The following CNTN1 variants were observed in gnomAD, a reference collection of about 807,000 sequenced individuals.
CNTN1 encodes contactin 1.
Under a neutral mutation model 126.4 loss-of-function variants are expected in CNTN1, and 38 were observed. The ratio of observed to expected loss-of-function variants is 0.30; its 90% CI spans 0.23 to 0.39. CNTN1 has a LOEUF of 0.39. Ranked by LOEUF, CNTN1 falls within the 10% of genes least tolerant of loss-of-function variation. CNTN1 has a pLI of 1.00. For missense variants in CNTN1, 1,009 were observed against 1,248.4 expected (o/e 0.81, Z 2.89); for synonymous variants, 413 against 422.6 (o/e 0.98, Z 0.28).
At chr12:41,058,936 C>A (rs1949883873) in intron 23 of CNTN1, among the ~76,000 whole-genome samples, 1 of 152,100 alleles carries the variant, frequency 6.6e-6, no homozygotes, top group Middle Eastern at 3.2e-3. Context: ...TGTTATGATC[C>A]TCTTAATAGT....
intron 1 of CNTN1, among the ~76,000 whole-genome samples, chr12:40,855,382 G>A (rs1036655963): frequency 1.7e-4 from 26 of 151,690 alleles, no homozygotes; most frequent in Non-Finnish European, 1.0e-4. Context: ...TTCAATGCTC[G>A]TCATTATCTA....
intron 16 of CNTN1, among the ~76,000 whole-genome samples, chr12:40,989,937 C>T (rs1285350230): frequency 6.6e-6 from 1 of 151,822 alleles, no homozygotes; most frequent in Non-Finnish European, 1.5e-5. Context: ...GGAAAATAGA[C>T]AGAAAGTGTT....
chr12:40,707,036 GCGCGCT>G (rs1591993322), intron 1 of CNTN1, among the ~76,000 whole-genome samples: 5 of 109,740 alleles, frequency 4.6e-5, no homozygotes, highest in South Asian at 2.8e-4. Flanking sequence ...ACGTGCGCGC[GCGCGCT>G]TGCGCACACA....
At chr12:40,810,797 G>C (rs1941031984) in intron 1 of CNTN1, among the ~76,000 whole-genome samples, 1 of 152,084 alleles carries the variant, frequency 6.6e-6, no homozygotes, top group Non-Finnish European at 1.5e-5. Context: ...CTGCAGGATT[G>C]CTTGAGGGCA....
At position 40,926,016 on chromosome 12, in the gene CNTN1, A is replaced by G. The variant is rs1380693893; in HGVS notation, c.496+1364A>G. 2.6e-5 allele frequency among the ~76,000 whole-genome samples: 4 copies of G among 151,628 alleles called. No homozygotes were observed. The Admixed American group carries it at 2.6e-4, about 10-fold the overall frequency. ...TTGACTCAGAAAATCTCTTATGAGT[A>G]TTTGTTATACAGCAGGCACAATGTA... is the stretch of plus-strand genomic sequence containing the variant. On this transcript the variant is annotated intron_variant, in intron 6 of 23. Coordinates refer to ENST00000551295, the MANE Select transcript of CNTN1 (RefSeq NM_001843.4).
chr12:41,002,229 GTA>G (rs1368111931), intron 17 of CNTN1, among the ~76,000 whole-genome samples: 1 of 152,140 alleles, frequency 6.6e-6, no homozygotes, highest in Non-Finnish European at 1.5e-5. Context: ...GCTTTGGGCA[GTA>G]TGGCCATTTT....
intron 1 of CNTN1, among the ~76,000 whole-genome samples, chr12:40,713,920 G>A (rs191469399): frequency 4.6e-5 from 7 of 152,042 alleles, no homozygotes; most frequent in Middle Eastern, 3.4e-3. Flanking sequence ...ATGAAATTAC[G>A]CTCTTCTCTA....
In CNTN1 at chr12:40,957,993, A is replaced by T. The variant is rs60493542; in HGVS notation, c.1684-1121A>T. On this transcript the variant is annotated intron_variant, in intron 14 of 23. Coordinates refer to ENST00000551295, the MANE Select transcript of CNTN1 (RefSeq NM_001843.4). ...CAAAACGTTCACTCCATGTACAGTCATGATACATCATAGGTATCTAGATAT... is the reference window on the plus strand; with the variant it reads ...CAAAACGTTCACTCCATGTACAGTCTTGATACATCATAGGTATCTAGATAT... Among the ~76,000 whole-genome samples the T allele has an allele frequency of 3.2e-3, 492 of 152,236 alleles. 1 individual carries two copies. The highest frequency in any genetic ancestry group is 0.012 in the African/African-American group (481 of 41,578).
intron 1 of CNTN1, among the ~76,000 whole-genome samples, chr12:40,856,872 A>C (rs1942930451): frequency 6.6e-6 from 1 of 152,108 alleles, no homozygotes; most frequent in Non-Finnish European, 1.5e-5. Context: ...CAAAGCAAAG[A>C]AAGCTGCCAT....
intron 1 of CNTN1, among the ~76,000 whole-genome samples, chr12:40,778,024 T>C (rs1939654999): frequency 6.6e-6 from 1 of 151,882 alleles, no homozygotes; most frequent in Non-Finnish European, 1.5e-5. Flanking sequence ...CTGTTGGTTT[T>C]AACATTTCAC....
At chr12:40,961,727 ACT>A (rs1436758343) in intron 15 of CNTN1, among the ~76,000 whole-genome samples, 5 of 152,016 alleles carry the variant, frequency 3.3e-5, no homozygotes, top group African/African-American at 1.2e-4. Context: ...CTAGATCAAG[ACT>A]CTCTAATAAA....
intron 1 of CNTN1, among the ~76,000 whole-genome samples, chr12:40,699,621 T>C (rs546088999): frequency 6.6e-6 from 1 of 152,356 alleles, no homozygotes; most frequent in East Asian, 1.9e-4. Context: ...ATTTCACTTT[T>C]CTTTATTTAA....
intron 1 of CNTN1, among the ~76,000 whole-genome samples, chr12:40,827,062 C>T (rs1941636409): frequency 6.6e-6 from 1 of 152,178 alleles, no homozygotes; most frequent in Non-Finnish European, 1.5e-5. Flanking sequence ...TGCTGGTTTA[C>T]ATGAATCTCC....
intron 1 of CNTN1, among the ~76,000 whole-genome samples, chr12:40,728,274 C>G (rs1028689641): frequency 2.0e-5 from 3 of 152,146 alleles, no homozygotes; most frequent in Non-Finnish European, 4.4e-5. Context: ...CCAGGACATT[C>G]TTAAGTATCT....
chr12:40,997,431 CAT>C (rs1178727015), intron 17 of CNTN1, among the ~76,000 whole-genome samples: 1 of 151,938 alleles, frequency 6.6e-6, no homozygotes, highest in Non-Finnish European at 1.5e-5. Context: ...GTTGTTCTTT[CAT>C]TTAGTATTCT....
Position 40,886,517 on chromosome 12 carries a change from T to A in CNTN1, c.-76-21840T>A, listed in dbSNP as rs1462777689. ...AAAAATTTTCTCCCATCTTGTAGGT[T>A]GCCTGTTCACTCTGATGGTAGTTTC... is the stretch of plus-strand genomic sequence containing the variant. On this transcript the variant is annotated intron_variant, in intron 1 of 23. Coordinates refer to ENST00000551295, the MANE Select transcript of CNTN1 (RefSeq NM_001843.4). Among the ~76,000 whole-genome samples, 6 of 152,216 alleles carry A rather than the reference T, an allele frequency of 3.9e-5. No homozygotes were observed. In the East Asian group the frequency reaches 1.2e-3, roughly 29 times the overall value.
chr12:40,767,615 TG>T lies in CNTN1; in HGVS notation c.-77+75024del, dbSNP rs1555154142. On this transcript the variant is annotated intron_variant, in intron 1 of 23. Coordinates refer to ENST00000551295, the MANE Select transcript of CNTN1 (RefSeq NM_001843.4). ...GAGCCACGGCTCCTGGCCCTTTTTT[TG>T]TTTGTTTGTTTGTTTGTTTGTTTGT... Among the ~76,000 whole-genome samples, 42 of 23,998 alleles carry T rather than the reference TG, an allele frequency of 1.8e-3. 1 individual carries two copies. The highest frequency in any genetic ancestry group is 4.8e-3 in the African/African-American group (29 of 6,092). The allele number at this position is 23,998 out of a possible 152,430, so 15.7% of individuals were successfully genotyped here. A position where few individuals can be genotyped will look rare whatever the true frequency, so the allele number is the denominator to read the frequency against.
At position 41,061,743 on chromosome 12, in the gene CNTN1, A is replaced by G. The variant is rs140749371; in HGVS notation, c.2981-8216A>G. ...TAGGAACCTTAAAACTTATAACATTAAACCCTATCATTTTACAGAAGGAAA... is the reference window on the plus strand; with the variant it reads ...TAGGAACCTTAAAACTTATAACATTGAACCCTATCATTTTACAGAAGGAAA... On this transcript the variant is annotated intron_variant, in intron 23 of 23. Coordinates refer to ENST00000551295, the MANE Select transcript of CNTN1 (RefSeq NM_001843.4). The G allele has an allele frequency of 1.7e-3, 770 of 455,322 alleles. 10 individuals are homozygous for G. The highest frequency in any genetic ancestry group is 0.014 in the African/African-American group (700 of 50,152). 28.2% of individuals were successfully genotyped at this position (455,322 alleles called of 1,614,324 possible).
At chr12:40,744,318 AAG>A (rs199827001) in intron 1 of CNTN1, among the ~76,000 whole-genome samples, 21,475 of 151,920 alleles carry the variant, frequency 0.14, 1,741 homozygotes, top group African/African-American at 0.22. Flanking sequence ...AAAAAAATAA[AAG>A]AACAAAACAA....
Sources: gnomAD v4.1 joint callset for allele counts (sites outside exome capture counted in the v4.1 genomes callset) on GRCh38, gnomAD v4.1.1 for gene constraint, MANE v1.5 for transcripts, NCBI Gene and HGNC (gene_info 2026-07-23, HGNC 2026-07-21) for gene names.